Variants in LPIN1 observed in about 807,000 individuals in gnomAD.
LPIN1 encodes the protein phosphatidate phosphatase LPIN1.
Under a neutral mutation model 107.5 loss-of-function variants are expected in LPIN1, and 71 were observed. That is an observed-to-expected ratio of 0.66 (90% CI 0.55 to 0.80). The LOEUF (loss-of-function observed/expected upper bound fraction) is 0.80, where lower values mean the gene tolerates loss of function less well. Among genes scored for constraint, LPIN1 ranks in the 30% least tolerant of loss-of-function variants. LPIN1 has a pLI of 0.00. For synonymous variants in LPIN1, 445 were observed against 452.6 expected, an observed-to-expected ratio of 0.98 and a Z score of 0.21; for missense variants, 1,043 against 1,160.6, an observed-to-expected ratio of 0.90 and a Z score of 1.47.
At chr2:11,757,932 TCCGCTTCTC>T (rs144614165) in intron 1 of LPIN1, among the ~76,000 whole-genome samples, 4,004 of 152,340 alleles carry the variant, frequency 0.026, 61 homozygotes, top group Non-Finnish European at 0.041. Context: ...CTCCCTATTT[TCCGCTTCTC>T]CCTAGCCCCT....
chr2:11,731,497 C>T (rs957064271), intron 1 of LPIN1, among the ~76,000 whole-genome samples: 4 of 152,104 alleles, frequency 2.6e-5, no homozygotes, highest in African/African-American at 9.7e-5. Flanking sequence ...GAGTTGGTTC[C>T]AAGTCTTTGC....
chr2:11,696,823 G>C (rs939384056), intron 1 of LPIN1, among the ~76,000 whole-genome samples: 3 of 152,234 alleles, frequency 2.0e-5, no homozygotes, highest in African/African-American at 7.2e-5. Flanking sequence ...CTGACACTTT[G>C]GGGGGCTCCT....
chr2:11,725,203 T>G (rs976666039), intron 1 of LPIN1, among the ~76,000 whole-genome samples: 4 of 152,166 alleles, frequency 2.6e-5, no homozygotes, highest in Non-Finnish European at 5.9e-5. Context: ...AGAGCCTGCA[T>G]TGAGCTGAGA....
intron 1 of LPIN1, among the ~76,000 whole-genome samples, chr2:11,757,496 C>G (rs1668857476): frequency 6.6e-6 from 1 of 152,126 alleles, no homozygotes; most frequent in African/African-American, 2.4e-5. Context: ...GAATTTATGC[C>G]CAGCTGGTTT....
rs1662647514 is a variant in LPIN1 at position 11,697,477 on chromosome 2, A to G, written c.82-16279A>G. On this transcript the variant is annotated intron_variant, in intron 1 of 21. Transcript: ENST00000449576. This position sits in a 1 kb window ranked among gnomAD's most constrained non-coding sequence, Gnocchi z 4.6. Reference sequence around the variant, plus strand: ...CCTGCTTCTCCCTGGTTTGGCCTAGAAGCTGGAAGTCTGCCCGAATCTGTG... The same window carrying G: ...CCTGCTTCTCCCTGGTTTGGCCTAGGAGCTGGAAGTCTGCCCGAATCTGTG... Among the ~76,000 whole-genome samples, 2 of 152,196 alleles carry G rather than the reference A, an allele frequency of 1.3e-5. No homozygotes were observed. Among genetic ancestry groups the G allele is most frequent in the South Asian group, 4.1e-4 (2 of 4,830 alleles).
chr2:11,704,408 G>T (rs1448662772), intron 1 of LPIN1, among the ~76,000 whole-genome samples: 2 of 152,210 alleles, frequency 1.3e-5, no homozygotes, highest in South Asian at 4.1e-4. Context: ...GAGGCAGAGC[G>T]GGGTAGCACA....
At chr2:11,747,864 G>A (rs1332113960) in intron 1 of LPIN1, among the ~76,000 whole-genome samples, 1 of 152,190 alleles carries the variant, frequency 6.6e-6, no homozygotes, top group Non-Finnish European at 1.5e-5. Flanking sequence ...GTGTTTTGGC[G>A]CTTATTATTC....
chr2:11,711,158 GA>G (rs1358111053), intron 1 of LPIN1, among the ~76,000 whole-genome samples: 1 of 152,192 alleles, frequency 6.6e-6, no homozygotes, highest in Admixed American at 6.5e-5. Flanking sequence ...TGTACACAGA[GA>G]ATTCTGGTGC....
At chr2:11,788,320 A>G (rs1362377852) in intron 11 of LPIN1, 67 bp from the exon 12 acceptor site, 1 of 1,238,198 alleles carries the variant, frequency 8.1e-7, no homozygotes, top group Non-Finnish European at 1.2e-6. Flanking sequence ...ACTACTTTAT[A>G]TGACATTGGA....
chr2:11,794,688 T>C (rs1293638399), intron 13 of LPIN1, among the ~76,000 whole-genome samples: 1 of 152,210 alleles, frequency 6.6e-6, no homozygotes, highest in East Asian at 1.9e-4. Flanking sequence ...GGCATTTCTC[T>C]CTGGTCTCTT....
chr2:11,687,969 A>C (rs1278398623), intron 1 of LPIN1, among the ~76,000 whole-genome samples: 1 of 152,224 alleles, frequency 6.6e-6, no homozygotes, highest in Non-Finnish European at 1.5e-5. Flanking sequence ...TCTGGGACTG[A>C]AGCTGGCTGG....
intron 10 of LPIN1, among the ~76,000 whole-genome samples, chr2:11,785,916 T>A (rs1169012700): frequency 6.6e-6 from 1 of 152,148 alleles, no homozygotes; most frequent in African/African-American, 2.4e-5. Context: ...GTGTGCTGGG[T>A]CCCGCCGGCT....
chr2:11,765,578 G>C lies in LPIN1; in HGVS notation c.37G>C (p.Val13Leu). ...GGGGCAGTTAGCCGGCCAGGTGTTTGTCACCGTGAAGGAGCTCTACAAGGG... is the reference window on the plus strand; with the variant it reads ...GGGGCAGTTAGCCGGCCAGGTGTTTCTCACCGTGAAGGAGCTCTACAAGGG... ...YVGQLAGQVFVTVKELYKGLN... is the reference protein window; with the variant it reads ...YVGQLAGQVFLTVKELYKGLN... The change falls in exon 2 of 21, where the codon GTC (valine) becomes CTC (leucine). Residue 13 changes from valine to leucine, a missense_variant. Val to Leu is a conservative substitution (Grantham distance 32). Transcript: ENST00000674199. This position sits in a 1 kb window ranked among gnomAD's most constrained non-coding sequence, Gnocchi z 4.4. 6.2e-7 allele frequency: 1 copy of C among 1,614,110 alleles called. No individual in the cohort carries two copies. The highest frequency in any genetic ancestry group is 8.5e-7 in the Non-Finnish European group (1 of 1,179,984).
chr2:11,740,407 C>G (rs182196915), intron 1 of LPIN1, among the ~76,000 whole-genome samples: 1 of 152,112 alleles, frequency 6.6e-6, no homozygotes. Context: ...AATTAACCAT[C>G]ACACCCTTCA....
At chr2:11,725,292 C>CAAAT (rs1346897450) in intron 1 of LPIN1, among the ~76,000 whole-genome samples, 1 of 150,624 alleles carries the variant, frequency 6.6e-6, no homozygotes, top group African/African-American at 2.5e-5. Context: ...AACAAACAAA[C>CAAAT]AAACATGTGG....
chr2:11,724,170 T>G (rs1664368497), upstream of LPIN1: 1 of 184,820 alleles, frequency 5.4e-6, no homozygotes. Flanking sequence ...GGCTCAAGTC[T>G]GAATCCAGGG....
intron 17 of LPIN1, among the ~76,000 whole-genome samples, chr2:11,810,122 G>A (rs1269398937): frequency 2.6e-5 from 4 of 152,324 alleles, no homozygotes; most frequent in East Asian, 1.9e-4. Context: ...CCTAGGTGCC[G>A]TCGGGGGTGC....
chr2:11,685,831 A>G (rs1233242992), intron 1 of LPIN1, among the ~76,000 whole-genome samples: 1 of 151,984 alleles, frequency 6.6e-6, no homozygotes, highest in Non-Finnish European at 1.5e-5. Context: ...CGTTCCAGAG[A>G]TTTCCCTCTG....
chr2:11,799,898 G>C (rs1324875541), intron 14 of LPIN1, among the ~76,000 whole-genome samples: 4 of 152,200 alleles, frequency 2.6e-5, no homozygotes, highest in Non-Finnish European at 5.9e-5. Context: ...TCTAACTGCT[G>C]TACCATCTCC....
Sources: gnomAD v4.1 joint callset for allele counts (sites outside exome capture counted in the v4.1 genomes callset) on GRCh38, gnomAD v4.1.1 for gene constraint, Gnocchi (gnomAD v3.1) non-coding constraint, MANE v1.5 for transcripts, NCBI Gene and HGNC (gene_info 2026-07-23, HGNC 2026-07-21) for gene names.